TBCK: variants seen among roughly 807,000 people sequenced by gnomAD.
TBCK encodes the protein TBC domain-containing protein kinase-like protein.
A neutral mutation model predicts 113.4 loss-of-function variants in TBCK; 99 were observed. That is an observed-to-expected ratio of 0.87 (90% CI 0.74 to 1.03). The LOEUF (loss-of-function observed/expected upper bound fraction) is 1.03. Ranked by LOEUF, TBCK falls within the 50% of genes least tolerant of loss-of-function variation. The pLI, the probability that TBCK is intolerant of heterozygous loss-of-function variation, is 0.00. For synonymous variants in TBCK, 369 were observed against 370.8 expected (o/e 1.00, Z 0.05); for missense variants, 1,045 against 1,061.3 (o/e 0.98, Z 0.21).
chr4:106,215,556 G>C (rs1351289470), intron 19 of TBCK, among the ~76,000 whole-genome samples: 1 of 152,060 alleles, frequency 6.6e-6, no homozygotes, highest in East Asian at 1.9e-4. Context: ...AAAAGGCAGG[G>C]GTTGCGATCC....
intron 23 of TBCK, among the ~76,000 whole-genome samples, chr4:106,120,435 T>C (rs542173066): frequency 2.0e-4 from 31 of 152,246 alleles, no homozygotes; most frequent in Non-Finnish European, 3.7e-4. Context: ...ACAAAGCAGC[T>C]GGGAAGCTTG....
chr4:106,072,341 T>G (rs936999580), intron 25 of TBCK, among the ~76,000 whole-genome samples: 2 of 152,216 alleles, frequency 1.3e-5, no homozygotes, highest in African/African-American at 4.8e-5. Flanking sequence ...ATTTTATTTC[T>G]CCTTCACTTA....
intron 1 of TBCK, among the ~76,000 whole-genome samples, chr4:106,309,655 C>T (rs1028651337): frequency 2.6e-5 from 4 of 152,056 alleles, no homozygotes; most frequent in Non-Finnish European, 5.9e-5. Context: ...CCACTGACAA[C>T]CTTCCTTCTC....
intron 9 of TBCK, 44 bp downstream of exon 9, chr4:106,248,201 C>A (rs200669753): frequency 7.4e-7 from 1 of 1,356,904 alleles, no homozygotes; most frequent in East Asian, 2.4e-5. Context: ...ATTGCTTATG[C>A]GTAAAGGATC....
chr4:106,222,974 G>C (rs1579303504), intron 19 of TBCK, among the ~76,000 whole-genome samples: 1 of 152,134 alleles, frequency 6.6e-6, no homozygotes, highest in East Asian at 1.9e-4. Context: ...GCTAAAAAAA[G>C]AATCTACAGA....
rs1760008665 is a variant in TBCK, at chr4:106,240,684, C to T, written c.1170+1786G>A. 2.6e-5 allele frequency among the ~76,000 whole-genome samples: 4 copies of T among 152,034 alleles called. No homozygotes were observed. The South Asian group carries it at 8.3e-4, about 32-fold the overall frequency. On this transcript the variant is annotated intron_variant, in intron 12 of 25. Transcript: ENST00000394708. The stretch of plus-strand genomic sequence containing the variant: ...TCTACTGGTATACTTAAGATCTATA[C>T]ATTTTACTATATGAAAATTTTGCCT...
At chr4:106,121,888 A>C (rs1322005301) in intron 23 of TBCK, among the ~76,000 whole-genome samples, 13 of 152,150 alleles carry the variant, frequency 8.5e-5, no homozygotes, top group Non-Finnish European at 1.6e-4. Flanking sequence ...TGTAGAGGGA[A>C]ATTTATAGCA....
At chr4:106,267,524 C>T (rs1228872505) in intron 3 of TBCK, among the ~76,000 whole-genome samples, 1 of 151,816 alleles carries the variant, frequency 6.6e-6, no homozygotes, top group Non-Finnish European at 1.5e-5. Flanking sequence ...TCATCATTTT[C>T]CTTTGTCTTC....
At chr4:106,050,103 T>C (rs563401823) in intron 25 of TBCK, among the ~76,000 whole-genome samples, 1 of 152,004 alleles carries the variant, frequency 6.6e-6, no homozygotes, top group Non-Finnish European at 1.5e-5. Context: ...CATAGTAGAA[T>C]TTAATGTGAA....
At chr4:106,216,483 G>GA (rs1220678157) in intron 19 of TBCK, among the ~76,000 whole-genome samples, 1 of 151,674 alleles carries the variant, frequency 6.6e-6, no homozygotes, top group Non-Finnish European at 1.5e-5. Flanking sequence ...GAATAATAAA[G>GA]AAAAAAAGAG....
chr4:106,259,781 T>C (rs1255114858), intron 5 of TBCK, among the ~76,000 whole-genome samples: 1 of 151,820 alleles, frequency 6.6e-6, no homozygotes, highest in African/African-American at 2.4e-5. Flanking sequence ...GAAAAGAAAA[T>C]AATAATGAAA....
At chr4:106,104,316 C>A (rs1741891872) in intron 24 of TBCK, among the ~76,000 whole-genome samples, 1 of 152,210 alleles carries the variant, frequency 6.6e-6, no homozygotes, top group Non-Finnish European at 1.5e-5. Context: ...ACTGCACCTC[C>A]CTAAGAAGGA....
intron 24 of TBCK, among the ~76,000 whole-genome samples, chr4:106,107,428 C>T (rs985905833): frequency 6.6e-6 from 1 of 152,204 alleles, no homozygotes; most frequent in East Asian, 1.9e-4. Flanking sequence ...TGAAGTCATT[C>T]CAAACACTCT....
Position 106,144,966 on chromosome 4 carries a change from G to A in TBCK, c.2235+26129C>T, listed in dbSNP as rs543651352. ...TGAACTGGGAGGCGGAGGTTGCAGG[G>A]AGCTGAGATCGCTACTGCACTCCAG... On this transcript the variant is annotated intron_variant, in intron 23 of 25. Coordinates refer to ENST00000394708, the MANE Select transcript of TBCK (RefSeq NM_001163435.3). Among the ~76,000 whole-genome samples, 169 of 149,862 alleles carry A rather than the reference G, an allele frequency of 1.1e-3. 2 individuals are homozygous for A. The highest frequency in any genetic ancestry group is 4.0e-3 in the African/African-American group (161 of 40,694).
intron 3 of TBCK, among the ~76,000 whole-genome samples, chr4:106,282,277 T>A (rs912340193): frequency 6.6e-6 from 1 of 152,058 alleles, no homozygotes; most frequent in African/African-American, 2.4e-5. Flanking sequence ...CTGATTTTAT[T>A]AGTTGAGTCT....
chr4:106,109,252 T>C (rs1309466273), intron 24 of TBCK, among the ~76,000 whole-genome samples: 3 of 151,988 alleles, frequency 2.0e-5, no homozygotes, highest in Admixed American at 2.0e-4. Context: ...ACCAGTGACA[T>C]TAACAGAACA....
At chr4:106,227,725 G>A (rs1758391337) in intron 19 of TBCK, among the ~76,000 whole-genome samples, 1 of 151,934 alleles carries the variant, frequency 6.6e-6, no homozygotes, top group African/African-American at 2.4e-5. Flanking sequence ...TATCTGATAA[G>A]CATCACAAAA....
chr4:106,196,390 G>A (rs1274565059), intron 20 of TBCK, among the ~76,000 whole-genome samples: 1 of 151,858 alleles, frequency 6.6e-6, no homozygotes, highest in East Asian at 1.9e-4. Flanking sequence ...AATACAGGCT[G>A]CTATTAAAGA....
intron 2 of TBCK, among the ~76,000 whole-genome samples, chr4:106,302,645 C>T (rs1343332343): frequency 6.6e-6 from 1 of 151,628 alleles, no homozygotes; most frequent in Non-Finnish European, 1.5e-5. Context: ...AAAGACAGGC[C>T]TCTGCCAAAT....
Sources: allele counts gnomAD v4.1 joint callset (sites outside exome capture counted in the v4.1 genomes callset), GRCh38; gene constraint gnomAD v4.1.1; transcripts MANE v1.5; gene names NCBI Gene and HGNC (gene_info 2026-07-23, HGNC 2026-07-21).